The following PKHD1 variants were observed in gnomAD, a reference collection of about 807,000 sequenced individuals.
The protein encoded by PKHD1 is fibrocystin.
Under a neutral mutation model 412.0 loss-of-function variants are expected in PKHD1, and 291 were observed. That is an observed-to-expected ratio of 0.71 (90% CI 0.64 to 0.78). The LOEUF (loss-of-function observed/expected upper bound fraction) is 0.78. PKHD1 is among the 30% of genes least tolerant of loss of function. The probability of loss-of-function intolerance (pLI) is 0.00; values close to 1 mark genes in which losing one functional copy is unlikely to be tolerated. For synonymous variants in PKHD1, 1,777 were observed against 1,821.5 expected, an observed-to-expected ratio of 0.98 and a Z score of 0.62; for missense variants, 4,825 against 4,950.7, an observed-to-expected ratio of 0.97 and a Z score of 0.76.
chr6:51,709,330 G>A (rs533765676), intron 60 of PKHD1, among the ~76,000 whole-genome samples: 159 of 152,266 alleles, frequency 1.0e-3, no homozygotes, highest in African/African-American at 3.7e-3. Context: ...AAAGGCCATG[G>A]AAACACTTCC....
chr6:51,982,897 A>AAAAAG lies in PKHD1; in HGVS notation c.5752-22872_5752-22871insCTTTT, dbSNP rs1554177552. On this transcript the variant is annotated intron_variant, in intron 35 of 66. Transcript: ENST00000371117. Reference sequence around the variant, plus strand: ...AAATAAAATAAAATAAAATAAAAAAAAGAGAGGCTCCAAAGTATCCACATC... The same window carrying AAAAAG: ...AAATAAAATAAAATAAAATAAAAAAAAAAAGAGAGAGGCTCCAAAGTATCCACATC... 1.7e-4 allele frequency among the ~76,000 whole-genome samples: 25 copies of AAAAAG among 150,456 alleles called. 1 individual carries two copies. The highest frequency in any genetic ancestry group is 6.1e-4 in the African/African-American group (25 of 40,958).
intron 48 of PKHD1, among the ~76,000 whole-genome samples, chr6:51,862,201 TA>T (rs1398684471): frequency 6.6e-6 from 1 of 152,178 alleles, no homozygotes; most frequent in African/African-American, 2.4e-5. Context: ...AAGCTTAAAA[TA>T]AGGCATGTGA....
chr6:51,808,116 T>C (rs1025373934), intron 52 of PKHD1, among the ~76,000 whole-genome samples: 1 of 152,190 alleles, frequency 6.6e-6, no homozygotes, highest in African/African-American at 2.4e-5. Context: ...TAATATGGAA[T>C]AATCATATCT....
At chr6:52,054,826 A>T (rs1807453591) in intron 19 of PKHD1, among the ~76,000 whole-genome samples, 1 of 152,128 alleles carries the variant, frequency 6.6e-6, no homozygotes, top group South Asian at 2.1e-4. Context: ...AATCACCTCC[A>T]CTGGGCGCCC....
In PKHD1 at chr6:52,046,029, A is replaced by G; in HGVS notation, c.2567T>C (p.Ile856Thr). The change falls in exon 24 of 67, where the codon ATT becomes ACT. Residue 856 changes from isoleucine to threonine, a missense_variant. Coordinates refer to ENST00000371117, the MANE Select transcript of PKHD1 (RefSeq NM_138694.4). ...HVWTLSWSTQIGDLPNFIRVS... is the reference protein window; with the variant it reads ...HVWTLSWSTQTGDLPNFIRVS... ...CCTGATAAAATTGGGCAAATCCCCA[A>G]TCTGAGTGGACCAGGACAAGGTCCA... The G allele has an allele frequency of 2.5e-6, 4 of 1,613,704 alleles. No individual in the cohort carries two copies. In the South Asian group the frequency reaches 3.3e-5, roughly 13 times the overall value.
At chr6:51,687,772 G>C (rs1474452647) in intron 60 of PKHD1, among the ~76,000 whole-genome samples, 1 of 152,138 alleles carries the variant, frequency 6.6e-6, no homozygotes, top group Admixed American at 6.6e-5. Context: ...TGATGCTCTT[G>C]GTGTTGGTAA....
intron 44 of PKHD1, among the ~76,000 whole-genome samples, chr6:51,886,908 T>C (rs1342465723): frequency 2.0e-5 from 3 of 152,196 alleles, no homozygotes; most frequent in Non-Finnish European, 4.4e-5. Flanking sequence ...ATGGTGATGA[T>C]GGTTGCAGGG....
At chr6:51,626,951 A>G in intron 66 of PKHD1, 46 bp downstream of exon 66, 1 of 1,606,730 alleles carries the variant, frequency 6.2e-7, no homozygotes, top group Non-Finnish European at 8.5e-7. Context: ...CAGACCATCC[A>G]CAGTGGGTCT....
At chr6:51,637,141 C>T (rs1768684314) in intron 64 of PKHD1, among the ~76,000 whole-genome samples, 1 of 152,150 alleles carries the variant, frequency 6.6e-6, no homozygotes. Flanking sequence ...TTAAAATAAA[C>T]TTGATAACGT....
At chr6:51,785,046 A>G (rs1792648482) in intron 53 of PKHD1, among the ~76,000 whole-genome samples, 17 of 152,202 alleles carry the variant, frequency 1.1e-4, no homozygotes, top group Admixed American at 1.1e-3. Context: ...CCCCCAATAA[A>G]ATAATGCAAG....
chr6:52,019,163 T>C (rs1801013241), intron 33 of PKHD1, among the ~76,000 whole-genome samples: 1 of 151,982 alleles, frequency 6.6e-6, no homozygotes, highest in Admixed American at 6.6e-5. Context: ...AGAGGGAAAA[T>C]TTAAAAAAAT....
At chr6:51,728,235 G>C (rs1437169419) in intron 60 of PKHD1, among the ~76,000 whole-genome samples, 1 of 152,080 alleles carries the variant, frequency 6.6e-6, no homozygotes, top group African/African-American at 2.4e-5. Flanking sequence ...CTACAAAATT[G>C]ACTGAAAGTA....
In PKHD1 at chr6:51,636,006, A is replaced by T. The variant is rs150124953; in HGVS notation, c.11506+2843T>A. ...CCACAGCCTACACCATGGTAATGATAGTGAACGTGGAAAGGCTAGCTACGA... is the reference window on the plus strand; with the variant it reads ...CCACAGCCTACACCATGGTAATGATTGTGAACGTGGAAAGGCTAGCTACGA... On this transcript the variant is annotated intron_variant, in intron 64 of 66. Coordinates refer to ENST00000371117, the MANE Select transcript of PKHD1 (RefSeq NM_138694.4). Among the ~76,000 whole-genome samples, 875 of 152,274 alleles carry T rather than the reference A, an allele frequency of 5.7e-3. 2 individuals carry two copies. Among genetic ancestry groups the T allele is most frequent in the Middle Eastern group, 0.01 (3 of 294 alleles).
At chr6:51,775,551 C>A (rs1439840859) in intron 54 of PKHD1, among the ~76,000 whole-genome samples, 2 of 151,872 alleles carry the variant, frequency 1.3e-5, no homozygotes, top group Non-Finnish European at 2.9e-5. Context: ...TAATCTGGAT[C>A]TTAATCCATA....
intron 35 of PKHD1, among the ~76,000 whole-genome samples, chr6:51,973,685 T>G (rs1386132099): frequency 6.6e-6 from 1 of 152,222 alleles, no homozygotes; most frequent in Non-Finnish European, 1.5e-5. Flanking sequence ...CAGAAACATG[T>G]GCAAAATACA....
At position 51,822,297 on chromosome 6, in the gene PKHD1, G is replaced by A. The variant is rs1766573124; in HGVS notation, c.8302+8564C>T. ...ACATTAGATTTTGCATTTAATTAGTGGGAGCCTGCACAGAGGATATAGTTT... is the reference window on the plus strand; with the variant it reads ...ACATTAGATTTTGCATTTAATTAGTAGGAGCCTGCACAGAGGATATAGTTT... On this transcript the variant is annotated intron_variant, in intron 52 of 66. Coordinates refer to ENST00000371117, the MANE Select transcript of PKHD1 (RefSeq NM_138694.4). 2.0e-5 allele frequency among the ~76,000 whole-genome samples: 3 copies of A among 152,094 alleles called. No individual in the cohort carries two copies. In the South Asian group the frequency reaches 6.2e-4, roughly 32 times the overall value.
chr6:51,968,532 C>T (rs1328590337), intron 35 of PKHD1, among the ~76,000 whole-genome samples: 1 of 152,204 alleles, frequency 6.6e-6, no homozygotes, highest in Non-Finnish European at 1.5e-5. Flanking sequence ...GCCAAGTCTT[C>T]TCCCTGTCTT....
chr6:51,624,101 G>A (rs575687386), intron 66 of PKHD1, among the ~76,000 whole-genome samples: 1 of 151,722 alleles, frequency 6.6e-6, no homozygotes, highest in East Asian at 1.9e-4. Context: ...TGTTGCCCAG[G>A]TTGGAGTGCA....
At chr6:51,978,635 C>A (rs532130601) in intron 35 of PKHD1, among the ~76,000 whole-genome samples, 1 of 152,162 alleles carries the variant, frequency 6.6e-6, no homozygotes, top group African/African-American at 2.4e-5. Context: ...GAGATGAGGC[C>A]GTTTTGACAT....
Sources: gnomAD v4.1 joint callset for allele counts (sites outside exome capture counted in the v4.1 genomes callset) on GRCh38, gnomAD v4.1.1 for gene constraint, MANE v1.5 for transcripts, NCBI Gene and HGNC (gene_info 2026-07-23, HGNC 2026-07-21) for gene names.